ATP10A: variants seen among roughly 807,000 people sequenced by gnomAD.
ATP10A encodes the protein phospholipid-transporting ATPase VA.
ATP10A carries 111 observed loss-of-function variants against 147.8 expected under a neutral mutation model. The ratio of observed to expected loss-of-function variants is 0.75; its 90% CI spans 0.64 to 0.88. The LOEUF is 0.88. ATP10A is among the 40% of genes least tolerant of loss of function. The pLI is 0.00. For missense variants in ATP10A, 1,927 were observed against 1,959.0 expected, an observed-to-expected ratio of 0.98 and a Z score of 0.31; for synonymous variants, 875 against 841.6, an observed-to-expected ratio of 1.04 and a Z score of -0.69.
At position 25,816,355 on chromosome 15, in the gene ATP10A, C is replaced by T. The variant is rs550584498; in HGVS notation, c.450-35132G>A. 3.1e-3 allele frequency among the ~76,000 whole-genome samples: 478 copies of T among 152,060 alleles called. 3 individuals are homozygous for T. Among genetic ancestry groups the T allele is most frequent in the Non-Finnish European group, 4.9e-3 (330 of 68,008 alleles). ...CTGGGATTACAGATGTAAGCCACCA[C>T]ATCCAGCTGCTTTTCTAGTTCAGTT... On this transcript the variant is annotated intron_variant, in intron 1 of 20. Coordinates refer to ENST00000555815, the MANE Select transcript of ATP10A (RefSeq NM_024490.4).
chr15:25,758,997 A>G (rs1017487579), intron 2 of ATP10A, among the ~76,000 whole-genome samples: 1 of 152,092 alleles, frequency 6.6e-6, no homozygotes, highest in African/African-American at 2.4e-5. Flanking sequence ...AAATTAGCCC[A>G]TTGGAAGTAG....
intron 2 of ATP10A, among the ~76,000 whole-genome samples, chr15:25,777,243 C>G (rs1567376062): frequency 6.6e-6 from 1 of 152,144 alleles, no homozygotes; most frequent in Non-Finnish European, 1.5e-5. Context: ...CCTCTCAAGC[C>G]CAGGCTGCTG....
In ATP10A at chr15:25,718,162, A is replaced by G; in HGVS notation, c.1581+20T>C. 6.2e-7 allele frequency: 1 copy of G among 1,604,864 alleles called. No homozygotes were observed. Among genetic ancestry groups the G allele is most frequent in the Non-Finnish European group, 8.5e-7 (1 of 1,173,362 alleles). Reference sequence around the variant, plus strand: ...GGAAGAGACGTGGCAGCACCCTAGCAGGAGGCCCTGTACACTCACCATGGG... The same window carrying G: ...GGAAGAGACGTGGCAGCACCCTAGCGGGAGGCCCTGTACACTCACCATGGG... On this transcript the variant is annotated intron_variant, in intron 8 of 20. Transcript: ENST00000555815.
rs183468634 is a variant in ATP10A, at chr15:25,801,478, C to T, written c.450-20255G>A. Among the ~76,000 whole-genome samples, 14 of 152,292 alleles carry T rather than the reference C, an allele frequency of 9.2e-5. No homozygotes were observed. In the East Asian group the frequency reaches 2.5e-3, roughly 27 times the overall value. On this transcript the variant is annotated intron_variant, in intron 1 of 20. Transcript: ENST00000555815. ...CAGGGGGACTATGTTAAGGTGCATG[C>T]AGCGCTTAGCATCCTGCGTCAGGCA...
chr15:25,800,562 T>G (rs931186159), intron 1 of ATP10A, among the ~76,000 whole-genome samples: 1 of 152,206 alleles, frequency 6.6e-6, no homozygotes, highest in Non-Finnish European at 1.5e-5. Context: ...TGCTGCTCCC[T>G]GGCACTGTTC....
rs116826714 is a variant in ATP10A, at chr15:25,694,576, C to G, written c.3088+243G>C. 7.0e-3 allele frequency among the ~76,000 whole-genome samples: 1,062 copies of G among 152,322 alleles called. 12 individuals are homozygous for G. Among genetic ancestry groups the G allele is most frequent in the African/African-American group, 0.024 (1,015 of 41,574 alleles). ...AACAGGGTAAGCTCCATCTTGTTGC[C>G]GTAAAGCAGCACCGGATTACTGACC... On this transcript the variant is annotated intron_variant, in intron 14 of 20. Transcript: ENST00000555815.
At chr15:25,853,163 G>A (rs956336948) in intron 1 of ATP10A, among the ~76,000 whole-genome samples, 6 of 152,176 alleles carry the variant, frequency 3.9e-5, no homozygotes, top group East Asian at 1.9e-4. Flanking sequence ...ACTGCACTCC[G>A]GGAAAATGCA....
intron 1 of ATP10A, among the ~76,000 whole-genome samples, chr15:25,794,622 C>A (rs1890579755): frequency 6.6e-6 from 1 of 152,210 alleles, no homozygotes; most frequent in Non-Finnish European, 1.5e-5. Flanking sequence ...CTTTGTGAAT[C>A]CCGGCTTGGA....
intron 1 of ATP10A, among the ~76,000 whole-genome samples, chr15:25,796,400 G>A (rs1262474424): frequency 1.2e-4 from 1 of 8,328 alleles, no homozygotes; most frequent in Non-Finnish European, 8.1e-4. Flanking sequence ...GCGAGACCCT[G>A]TCTCAAAAAA....
At chr15:25,845,589 G>A (rs913699938) in intron 1 of ATP10A, among the ~76,000 whole-genome samples, 4 of 152,156 alleles carry the variant, frequency 2.6e-5, no homozygotes, top group African/African-American at 7.2e-5. Context: ...CATGCTGACA[G>A]CAACTCTCCT....
intron 2 of ATP10A, among the ~76,000 whole-genome samples, chr15:25,765,800 G>T (rs1043978783): frequency 6.6e-6 from 1 of 152,152 alleles, no homozygotes; most frequent in Admixed American, 6.5e-5. Context: ...TCCTGGTGCC[G>T]GTCTCACCTT....
chr15:25,778,391 A>G (rs952078419), intron 2 of ATP10A, among the ~76,000 whole-genome samples: 1 of 152,060 alleles, frequency 6.6e-6, no homozygotes, highest in Admixed American at 6.6e-5. Context: ...AAGTCAAGAG[A>G]CTTGCTTCCT....
chr15:25,680,395 A>G, intron 19 of ATP10A, 87 bp from the exon 20 acceptor site: 1 of 1,397,906 alleles, frequency 7.2e-7, no homozygotes, highest in Non-Finnish European at 9.9e-7. Flanking sequence ...GTCATCAATG[A>G]GCAGGTGTGA....
intron 2 of ATP10A, among the ~76,000 whole-genome samples, chr15:25,744,913 A>T (rs1268933097): frequency 6.6e-6 from 1 of 152,206 alleles, no homozygotes; most frequent in African/African-American, 2.4e-5. Flanking sequence ...GAATGTAGTA[A>T]ATCTGACTAA....
chr15:25,787,029 G>A (rs1379455255), intron 1 of ATP10A, among the ~76,000 whole-genome samples: 1 of 151,960 alleles, frequency 6.6e-6, no homozygotes, highest in Non-Finnish European at 1.5e-5. Context: ...ACATTTCACA[G>A]TCTCTCTCAG....
chr15:25,786,430 A>G (rs1161591152), intron 1 of ATP10A, among the ~76,000 whole-genome samples: 1 of 151,972 alleles, frequency 6.6e-6, no homozygotes, highest in East Asian at 1.9e-4. Context: ...CTTGCGCATC[A>G]CTCAAGCACA....
intron 13 of ATP10A, among the ~76,000 whole-genome samples, chr15:25,696,650 G>A (rs1900356779): frequency 6.6e-6 from 1 of 152,344 alleles, no homozygotes; most frequent in South Asian, 2.1e-4. Flanking sequence ...TGTCACTCTG[G>A]TAGCCCCTGG....
At chr15:25,779,801 T>C (rs1336237154) in intron 2 of ATP10A, among the ~76,000 whole-genome samples, 1 of 151,082 alleles carries the variant, frequency 6.6e-6, no homozygotes, top group Non-Finnish European at 1.5e-5. Context: ...CCAAAAAGAT[T>C]TGAGGCAGCT....
intron 2 of ATP10A, among the ~76,000 whole-genome samples, chr15:25,747,293 A>C (rs1362199360): frequency 4.6e-5 from 6 of 131,376 alleles, no homozygotes; most frequent in East Asian, 5.5e-4. Flanking sequence ...ATCTCAAAAA[A>C]AAAAAAAAAA....
Sources: allele counts gnomAD v4.1 joint callset (sites outside exome capture counted in the v4.1 genomes callset), GRCh38; gene constraint gnomAD v4.1.1; transcripts MANE v1.5; gene names NCBI Gene and HGNC (gene_info 2026-07-23, HGNC 2026-07-21).